MMEL1: variants seen among roughly 807,000 people sequenced by gnomAD.
MMEL1 encodes membrane metalloendopeptidase like 1.
MMEL1 carries 98 observed loss-of-function variants against 117.1 expected under a neutral mutation model. That is an observed-to-expected ratio of 0.84 (90% CI 0.71 to 0.99). The LOEUF (loss-of-function observed/expected upper bound fraction) is 0.99. Ranked by LOEUF, MMEL1 falls within the 50% of genes least tolerant of loss-of-function variation. The pLI is 0.00. For synonymous variants in MMEL1, 390 were observed against 415.1 expected (o/e 0.94, Z 0.74); for missense variants, 1,014 against 1,049.1 (o/e 0.97, Z 0.46).
intron 6 of MMEL1, 150 bp from the exon 7 acceptor site, chr1:2,607,219 T>G (rs1353504485): frequency 3.1e-6 from 2 of 654,952 alleles, no homozygotes; most frequent in East Asian, 5.4e-5. Context: ...TCTGGGCCTT[T>G]ACACCTGCAC....
At chr1:2,604,066 C>G in intron 10 of MMEL1, 81 bp downstream of exon 10, 1 of 1,574,584 alleles carries the variant, frequency 6.4e-7, no homozygotes, top group Non-Finnish European at 8.6e-7. Flanking sequence ...CCACCCAGCA[C>G]CCCCTCACCT....
chr1:2,620,867 G>T (rs1330286429), intron 2 of MMEL1, among the ~76,000 whole-genome samples: 3 of 151,894 alleles, frequency 2.0e-5, no homozygotes, highest in Non-Finnish European at 4.4e-5. Flanking sequence ...CTCCCTTCAG[G>T]CAAGGGCATT....
At chr1:2,630,483 T>TGC (rs1638494241) in intron 1 of MMEL1, among the ~76,000 whole-genome samples, 1 of 149,152 alleles carries the variant, frequency 6.7e-6, no homozygotes, top group African/African-American at 2.6e-5. Context: ...TGTGTGTGTG[T>TGC]GCACGTGTGT....
intron 2 of MMEL1, among the ~76,000 whole-genome samples, chr1:2,613,639 A>G (rs934258662): frequency 2.6e-5 from 4 of 152,092 alleles, no homozygotes; most frequent in Non-Finnish European, 5.9e-5. Flanking sequence ...AGGAGAGGAG[A>G]GGCCTGTGGC....
rs1332301510 is a variant in MMEL1 at position 2,609,689 on chromosome 1, CT to C, written c.434del (p.Glu145GlyfsTer32). 1.2e-6 allele frequency: 2 copies of C among 1,611,502 alleles called. No individual in the cohort carries two copies. Among genetic ancestry groups the C allele is most frequent in the Non-Finnish European group, 1.7e-6 (2 of 1,178,820 alleles). On this transcript the variant is annotated frameshift_variant, in exon 5 of 24. Transcript: ENST00000378412. LOFTEE classifies it high-confidence loss of function. ...RYSIFDVLRD[E>X]LEVILKAVLE... ...TGCCACCTTTGAGGATGACCTCCAG[CT>C]CGTCGCGGAGGACGTCAAAGATGCT...
rs1321456323 is a variant in MMEL1 at position 2,591,940 on chromosome 1, AG to A, written c.2154del (p.Tyr719MetfsTer26). The A allele has an allele frequency of 6.2e-7, 1 of 1,613,180 alleles. No individual in the cohort carries two copies. Among genetic ancestry groups the A allele is most frequent in the Non-Finnish European group, 8.5e-7 (1 of 1,179,752 alleles). ...DLTHEQLFFINYAQVWCGSYR... is the reference protein window; with the variant it reads ...DLTHEQLFFIXYAQVWCGSYR... The stretch of plus-strand genomic sequence containing the variant: ...AGGACTGCGGCTGCCACCTGGGCAT[AG>A]TTGATGAAGAAGAGCTGCTCATGGG... On this transcript the variant is annotated frameshift_variant, in exon 22 of 24. Transcript: ENST00000378412. LOFTEE classifies it high-confidence loss of function.
intron 2 of MMEL1, among the ~76,000 whole-genome samples, chr1:2,624,514 T>C (rs536117387): frequency 6.6e-6 from 1 of 152,352 alleles, no homozygotes; most frequent in South Asian, 2.1e-4. Flanking sequence ...ATATACCAAA[T>C]GGTGCAATGT....
At chr1:2,611,165 A>ACCGC in intron 4 of MMEL1, 116 bp downstream of exon 4, 1 of 1,074,558 alleles carries the variant, frequency 9.3e-7, no homozygotes, top group Non-Finnish European at 1.3e-6. Context: ...ACCCGGCTCC[A>ACCGC]CCGCCCGCCG....
intron 2 of MMEL1, among the ~76,000 whole-genome samples, chr1:2,625,823 G>C (rs112682617): frequency 1.1e-3 from 175 of 152,310 alleles, no homozygotes; most frequent in African/African-American, 4.1e-3. Context: ...GCACAAGTAA[G>C]TTACATGAGG....
chr1:2,596,202 G>A (rs903259080), intron 14 of MMEL1, 95 bp from the exon 15 acceptor site: 26 of 1,199,082 alleles, frequency 2.2e-5, no homozygotes, highest in Admixed American at 7.3e-5. Flanking sequence ...GAGCCCCGCC[G>A]GGGCAAGGCC....
chr1:2,626,711 T>C (rs1490413035), intron 2 of MMEL1, among the ~76,000 whole-genome samples: 1 of 152,234 alleles, frequency 6.6e-6, no homozygotes, highest in Non-Finnish European at 1.5e-5. Context: ...CATTTGATTT[T>C]ATAAAAGAAA....
rs1227094826 is a variant in MMEL1, at chr1:2,594,803, C to G, written c.1675G>C (p.Val559Leu). ...GATGCCACTCACAGATTTGGGTCCA[C>G]CTTTTCCCGAAGCTTCCTGAGGCTC... Reference protein sequence around the residue: ...QRSLRKLREKVDPNLWIIGAA... With the variant: ...QRSLRKLREKLDPNLWIIGAA... Residue 559 changes from valine (V) to leucine (L), a missense_variant, in exon 17 of 24, where the codon GTG becomes CTG. Val to Leu is a conservative substitution (Grantham distance 32). Coordinates refer to ENST00000378412, the MANE Select transcript of MMEL1 (RefSeq NM_033467.4). 6.2e-7 allele frequency: 1 copy of G among 1,613,696 alleles called. No individual in the cohort carries two copies. The highest frequency in any genetic ancestry group is 8.5e-7 in the Non-Finnish European group (1 of 1,179,928).
intron 11 of MMEL1, among the ~76,000 whole-genome samples, chr1:2,600,587 C>A (rs1271538406): frequency 6.6e-6 from 1 of 152,030 alleles, no homozygotes; most frequent in Non-Finnish European, 1.5e-5. Flanking sequence ...CCTGTGGTCG[C>A]AGCTACTCAG....
At position 2,598,822 on chromosome 1, in the gene MMEL1, A is replaced by G. The variant is rs753458451; in HGVS notation, c.1042-32T>C. 3.5e-6 allele frequency: 5 copies of G among 1,412,694 alleles called. No individual in the cohort carries two copies. The Admixed American group carries it at 7.6e-5, about 22-fold the overall frequency. 87.5% of individuals were successfully genotyped at this position (1,412,694 alleles called of 1,614,324 possible). A position where few individuals can be genotyped will look rare whatever the true frequency, so the allele number is the denominator to read the frequency against. On this transcript the variant is annotated intron_variant, in intron 11 of 23. Transcript: ENST00000378412. ...ATAGAGGAAGTGGGGAGAAAGAGGG[A>G]GAGAGAGAGAGGGAGAAACAGTTCC...
chr1:2,605,919 G>C (rs1218557645), intron 8 of MMEL1, among the ~76,000 whole-genome samples: 1 of 152,200 alleles, frequency 6.6e-6, no homozygotes, highest in East Asian at 1.9e-4. Context: ...TGTTTCGTGT[G>C]TTTCTCTTTG....
chr1:2,614,049 C>A (rs75117109), intron 2 of MMEL1, among the ~76,000 whole-genome samples: 1 of 152,074 alleles, frequency 6.6e-6, no homozygotes, highest in African/African-American at 2.4e-5. Flanking sequence ...CAAAAAATGA[C>A]AAATAGTGAA....
chr1:2,624,353 A>C (rs1301689626), intron 2 of MMEL1, among the ~76,000 whole-genome samples: 1 of 152,194 alleles, frequency 6.6e-6, no homozygotes, highest in African/African-American at 2.4e-5. Context: ...TCTGAGGTGC[A>C]CTGTGGGTAA....
In MMEL1 at chr1:2,629,465, G is replaced by T; in HGVS notation, c.20C>A (p.Pro7Gln). The T allele has an allele frequency of 6.6e-7, 1 of 1,525,092 alleles. No individual in the cohort carries two copies. 94.5% of individuals were successfully genotyped at this position (1,525,092 alleles called of 1,614,324 possible). A position where few individuals can be genotyped will look rare whatever the true frequency, so the allele number is the denominator to read the frequency against. Residue 7 changes from proline (P) to glutamine (Q), a missense_variant, in exon 2 of 24, where the codon CCA becomes CAA. Coordinates refer to ENST00000378412, the MANE Select transcript of MMEL1 (RefSeq NM_033467.4). Reference protein sequence around the residue: MGKSEGPVGMVESAGRA... With the variant: MGKSEGQVGMVESAGRA... ...GCCGGCGCTCTCCACCATCCCCACTGGGCCTTCGGACTTCCCCATCAGCAG... is the reference window on the plus strand; with the variant it reads ...GCCGGCGCTCTCCACCATCCCCACTTGGCCTTCGGACTTCCCCATCAGCAG...
chr1:2,594,697 G>T, intron 17 of MMEL1, 93 bp downstream of exon 17: 7 of 1,129,862 alleles, frequency 6.2e-6, no homozygotes, highest in South Asian at 2.7e-5. Context: ...CCCCAGCCAC[G>T]CATCCAGTCC....
Sources: gnomAD v4.1 joint callset for allele counts (sites outside exome capture counted in the v4.1 genomes callset) on GRCh38, gnomAD v4.1.1 for gene constraint, MANE v1.5 for transcripts, NCBI Gene and HGNC (gene_info 2026-07-23, HGNC 2026-07-21) for gene names.